XPO4: variants seen among roughly 807,000 people sequenced by gnomAD.
The protein encoded by XPO4 is exportin-4.
Under a neutral mutation model 143.0 loss-of-function variants are expected in XPO4, and 39 were observed. The observed-to-expected ratio is 0.27, with a 90% confidence interval of 0.21 to 0.36. XPO4 has a LOEUF of 0.36. Among genes scored for constraint, XPO4 ranks in the 10% least tolerant of loss-of-function variants. The probability of loss-of-function intolerance (pLI) is 1.00; values close to 1 mark genes in which losing one functional copy is unlikely to be tolerated. For missense variants in XPO4, 907 were observed against 1,348.0 expected, an observed-to-expected ratio of 0.67 and a Z score of 5.12; for synonymous variants, 439 against 474.0, an observed-to-expected ratio of 0.93 and a Z score of 0.96.
intron 16 of XPO4, among the ~76,000 whole-genome samples, 161 bp downstream of exon 16, chr13:20,799,004 G>A (rs1362079201): frequency 1.4e-5 from 2 of 145,892 alleles, no homozygotes; most frequent in African/African-American, 5.1e-5. Flanking sequence ...CTGGGCAACA[G>A]AGTAAGACCC....
chr13:20,843,157 C>T (rs149311029), intron 5 of XPO4, 109 bp from the exon 6 acceptor site: 18,162 of 1,110,096 alleles, frequency 0.016, 221 homozygotes, highest in Non-Finnish European at 0.018. Flanking sequence ...ATGGAAAACA[C>T]CATTTCCTTA....
intron 1 of XPO4, among the ~76,000 whole-genome samples, chr13:20,884,655 C>T (rs1595162252): frequency 6.6e-6 from 1 of 152,130 alleles, no homozygotes; most frequent in Non-Finnish European, 1.5e-5. Flanking sequence ...TCAAGTGATT[C>T]TCCTGCCTCA....
chr13:20,869,550 A>G (rs1232088490), intron 1 of XPO4: 1 of 898,454 alleles, frequency 1.1e-6, no homozygotes, highest in Non-Finnish European at 1.3e-6. Flanking sequence ...CAATTATATT[A>G]AATAATCTAG....
intron 6 of XPO4, among the ~76,000 whole-genome samples, chr13:20,840,834 C>A (rs1489270812): frequency 6.6e-6 from 1 of 152,210 alleles, no homozygotes; most frequent in Non-Finnish European, 1.5e-5. Context: ...AAAGGTCACA[C>A]AAGAACTCAC....
At chr13:20,785,888 G>A (rs2059195662) in intron 22 of XPO4, among the ~76,000 whole-genome samples, 1 of 74,386 alleles carries the variant, frequency 1.3e-5, no homozygotes, top group African/African-American at 4.6e-5. Flanking sequence ...GAGGGAGGGA[G>A]AAAGAAAGAA....
rs772599761 is a variant in XPO4, at chr13:20,799,121, A to G, written c.2322+44T>C. 4 of 1,513,892 alleles carry G rather than the reference A, an allele frequency of 2.6e-6. No individual in the cohort carries two copies. In the African/African-American group the frequency reaches 5.5e-5, roughly 21 times the overall value. The allele number at this position is 1,513,892 out of a possible 1,614,324, so 93.8% of individuals were successfully genotyped here. On this transcript the variant is annotated intron_variant, in intron 16 of 22. Coordinates refer to ENST00000255305, the MANE Select transcript of XPO4 (RefSeq NM_022459.5). ...GGCAACGCATAGATAAAGGAACTAC[A>G]GAGTTACACAAAAGGGTGCAATCAA...
Position 20,783,936 on chromosome 13 carries a change from G to A in XPO4, c.3259-17C>T. The A allele has an allele frequency of 6.2e-7, 1 of 1,609,436 alleles. No individual in the cohort carries two copies. Among genetic ancestry groups the A allele is most frequent in the Non-Finnish European group, 8.5e-7 (1 of 1,175,796 alleles). On this transcript the variant is annotated splice_polypyrimidine_tract_variant and intron_variant, in intron 22 of 22. Transcript: ENST00000255305. The stretch of plus-strand genomic sequence containing the variant: ...ATATTCAGCCTATTGAAGAGATAAA[G>A]TATACACAAGTATCCTCCTTAGAAT...
rs1779721104 is a variant in XPO4 at position 20,836,856 on chromosome 13, C to T, written c.727+6039G>A. Among the ~76,000 whole-genome samples the T allele has an allele frequency of 5.3e-5, 8 of 152,014 alleles. No homozygotes were observed. The South Asian group carries it at 1.7e-3, about 31-fold the overall frequency. On this transcript the variant is annotated intron_variant, in intron 6 of 22. Coordinates refer to ENST00000255305, the MANE Select transcript of XPO4 (RefSeq NM_022459.5). ...TTCCAATCACTCCAGTTCTAGGTAA[C>T]CACTAACCTTTCTGTCTCTATAGAT...
chr13:20,828,141 G>A (rs1167740493), intron 6 of XPO4, among the ~76,000 whole-genome samples: 1 of 152,122 alleles, frequency 6.6e-6, no homozygotes, highest in South Asian at 2.1e-4. Flanking sequence ...GGAGGCTGAG[G>A]CGGGAGAGTC....
intron 22 of XPO4, 108 bp from the exon 23 acceptor site, chr13:20,784,027 A>T (rs149619170): frequency 1.9e-6 from 2 of 1,043,076 alleles, no homozygotes; most frequent in African/African-American, 3.2e-5. Context: ...CACATTTTTA[A>T]GAGTTAACAT....
At chr13:20,887,604 C>G (rs1381122856) in intron 1 of XPO4, among the ~76,000 whole-genome samples, 4 of 152,250 alleles carry the variant, frequency 2.6e-5, no homozygotes, top group African/African-American at 9.6e-5. Flanking sequence ...CCTGTAATCC[C>G]AGCACTTTGG....
chr13:20,902,385 C>T, intron 1 of XPO4: 14 of 985,428 alleles, frequency 1.4e-5, no homozygotes, highest in East Asian at 1.1e-4. Flanking sequence ...GTCTGTGGGG[C>T]AGGGTGTAAG....
chr13:20,875,908 AT>A (rs1431882569), intron 1 of XPO4, among the ~76,000 whole-genome samples: 5 of 152,132 alleles, frequency 3.3e-5, no homozygotes, highest in Non-Finnish European at 7.4e-5. Context: ...ATATGACAAG[AT>A]AATCCTAACT....
chr13:20,868,481 T>C (rs561738665), intron 2 of XPO4, 115 bp downstream of exon 2: 110 of 1,372,366 alleles, frequency 8.0e-5, no homozygotes, highest in South Asian at 6.1e-4. Flanking sequence ...ATTTAAATAA[T>C]TGTAACTACA....
intron 22 of XPO4, among the ~76,000 whole-genome samples, chr13:20,786,182 A>G (rs1235846360): frequency 6.6e-6 from 1 of 152,018 alleles, no homozygotes; most frequent in African/African-American, 2.4e-5. Context: ...TGTTACGGGA[A>G]GTCTAGAGAA....
At chr13:20,887,925 G>A (rs145544847) in intron 1 of XPO4, among the ~76,000 whole-genome samples, 14 of 148,328 alleles carry the variant, frequency 9.4e-5, no homozygotes, top group African/African-American at 2.7e-4. Flanking sequence ...CTGTAATTCC[G>A]GCACTTTGGG....
At chr13:20,870,106 A>AT in intron 1 of XPO4, among the ~76,000 whole-genome samples, 1 of 151,242 alleles carries the variant, frequency 6.6e-6, no homozygotes, top group Non-Finnish European at 1.5e-5. Flanking sequence ...AAAAAAAAAA[A>AT]AGAATTGTGT....
intron 1 of XPO4, among the ~76,000 whole-genome samples, chr13:20,876,968 T>A (rs2060359360): frequency 6.6e-6 from 1 of 152,218 alleles, no homozygotes; most frequent in Non-Finnish European, 1.5e-5. Flanking sequence ...TCCTGCTGAT[T>A]GGTCCATTTT....
chr13:20,892,613 A>G (rs535484764), intron 1 of XPO4, among the ~76,000 whole-genome samples: 1 of 152,314 alleles, frequency 6.6e-6, no homozygotes, highest in South Asian at 2.1e-4. Context: ...ATTAGAGTCC[A>G]GCAAGAGAGA....
Sources: gnomAD v4.1 joint callset for allele counts (sites outside exome capture counted in the v4.1 genomes callset) on GRCh38, gnomAD v4.1.1 for gene constraint, MANE v1.5 for transcripts, NCBI Gene and HGNC (gene_info 2026-07-23, HGNC 2026-07-21) for gene names.